Variants in GLIS3 observed in about 807,000 individuals in gnomAD.
GLIS3 encodes the protein zinc finger protein GLIS3.
Under a neutral mutation model 78.6 loss-of-function variants are expected in GLIS3, and 53 were observed. The observed-to-expected ratio is 0.67, with a 90% confidence interval of 0.54 to 0.85. The LOEUF is 0.85. Among genes scored for constraint, GLIS3 ranks in the 40% least tolerant of loss-of-function variants. The probability of loss-of-function intolerance (pLI) is 0.00; values close to 1 mark genes in which losing one functional copy is unlikely to be tolerated. For synonymous variants in GLIS3, 684 were observed against 509.9 expected (o/e 1.34, Z -4.60); for missense variants, 1,703 against 1,231.1 (o/e 1.38, Z -5.74).
chr9:3,908,951 A>C (rs1160617794), intron 6 of GLIS3, among the ~76,000 whole-genome samples: 1 of 152,126 alleles, frequency 6.6e-6, no homozygotes, highest in Non-Finnish European at 1.5e-5. Flanking sequence ...AGCAAGACAC[A>C]CTTCCAAAGA....
Position 3,932,425 on chromosome 9 carries a change from C to G in GLIS3, c.1918G>C (p.Asp640His), listed in dbSNP as rs1313530479. 1.2e-6 allele frequency: 2 copies of G among 1,613,792 alleles called. No individual in the cohort carries two copies. Among genetic ancestry groups the G allele is most frequent in the East Asian group, 2.2e-5 (1 of 44,848 alleles). Residue 640 changes from aspartate to histidine, a missense_variant, in exon 6 of 11, where the codon GAC (aspartate) becomes CAC (histidine). Asp to His is a moderately conservative substitution (Grantham distance 81). Transcript: ENST00000381971. ...ACATGCTTTCTTAGGGAACTTGGGT[C>G]TGTGTAGCGTTTGGTACATCCTGGA... ...QIPGCTKRYT[D>H]PSSLRKHVKA...
At chr9:4,270,425 T>C (rs747345239) in intron 2 of GLIS3, among the ~76,000 whole-genome samples, 1 of 152,210 alleles carries the variant, frequency 6.6e-6, no homozygotes. Flanking sequence ...GTGGGTCCTC[T>C]GCTTCAGGGT....
intron 2 of GLIS3, among the ~76,000 whole-genome samples, chr9:4,275,990 T>C (rs532219827): frequency 6.6e-6 from 1 of 151,866 alleles, no homozygotes; most frequent in South Asian, 2.1e-4. Flanking sequence ...CCTTAGAAAA[T>C]GCTACAGGTT....
chr9:4,151,375 C>G (rs560965109), intron 2 of GLIS3, among the ~76,000 whole-genome samples: 1 of 152,302 alleles, frequency 6.6e-6, no homozygotes, highest in East Asian at 1.9e-4. Context: ...CACAGCTAAA[C>G]CACAGGTTTT....
the GLIS3 span, among the ~76,000 whole-genome samples, chr9:4,449,233 A>T: frequency 6.6e-6 from 1 of 152,184 alleles, no homozygotes; most frequent in Non-Finnish European, 1.5e-5. Flanking sequence ...CAGCAGTCTG[A>T]CATCAACCTG....
chr9:4,097,090 T>G (rs955976869), intron 4 of GLIS3, among the ~76,000 whole-genome samples: 2 of 152,144 alleles, frequency 1.3e-5, no homozygotes, highest in Non-Finnish European at 2.9e-5. Flanking sequence ...CACTCCTTAC[T>G]CCATGGGGAG....
chr9:4,003,607 T>G (rs952027735), intron 4 of GLIS3, among the ~76,000 whole-genome samples: 1 of 152,238 alleles, frequency 6.6e-6, no homozygotes, highest in African/African-American at 2.4e-5. Flanking sequence ...CTCAATGTTT[T>G]GAGTGTCTCT....
chr9:4,437,387 T>G, the GLIS3 span, among the ~76,000 whole-genome samples: 1 of 151,968 alleles, frequency 6.6e-6, no homozygotes, highest in Non-Finnish European at 1.5e-5. Flanking sequence ...TTTTCTAAAT[T>G]TTCTAGGTAT....
chr9:4,456,930 T>C, the GLIS3 span, among the ~76,000 whole-genome samples: 8 of 152,136 alleles, frequency 5.3e-5, no homozygotes, highest in Admixed American at 4.6e-4. Context: ...CCATAACAGA[T>C]TAAATAATTT....
chr9:4,023,674 G>C (rs779827682), intron 4 of GLIS3, among the ~76,000 whole-genome samples: 24 of 152,236 alleles, frequency 1.6e-4, no homozygotes, highest in Non-Finnish European at 3.4e-4. Context: ...TAAGGGGAAA[G>C]AAGGTGTCAA....
At chr9:4,217,187 C>A (rs894936313) in intron 2 of GLIS3, among the ~76,000 whole-genome samples, 1 of 152,138 alleles carries the variant, frequency 6.6e-6, no homozygotes, top group Admixed American at 6.5e-5. Flanking sequence ...GAACCCAAAA[C>A]CCTAGCACCC....
chr9:4,224,367 C>T (rs188444756), intron 2 of GLIS3, among the ~76,000 whole-genome samples: 211 of 152,348 alleles, frequency 1.4e-3, no homozygotes, highest in Non-Finnish European at 2.9e-4. Context: ...GGCCGTCTCA[C>T]TGGTGACAGC....
At chr9:3,832,507 A>G (rs1818107810) in intron 9 of GLIS3, among the ~76,000 whole-genome samples, 1 of 152,046 alleles carries the variant, frequency 6.6e-6, no homozygotes, top group African/African-American at 2.4e-5. Flanking sequence ...CACACAGACT[A>G]ATTTCTTCAT....
At chr9:4,143,658 G>A (rs543053438) in intron 2 of GLIS3, among the ~76,000 whole-genome samples, 3 of 152,292 alleles carry the variant, frequency 2.0e-5, no homozygotes, top group East Asian at 1.9e-4. Context: ...CATTGTGCAT[G>A]AGCAATCTCC....
rs146060139 is a variant in GLIS3 at position 4,181,965 on chromosome 9, C to T, written c.389-56024G>A. ...CCACAGAATTGTGAGAAATAATAAA[C>T]ACGTATTAGCCACTAAGTTTCAGGG... On this transcript the variant is annotated intron_variant, in intron 2 of 10. Coordinates refer to ENST00000381971, the MANE Select transcript of GLIS3 (RefSeq NM_001042413.2). Among the ~76,000 whole-genome samples, 383 of 152,318 alleles carry T rather than the reference C, an allele frequency of 2.5e-3. 2 individuals carry two copies. The highest frequency in any genetic ancestry group is 1.1e-3 in the Non-Finnish European group (77 of 68,032).
At chr9:4,405,036 G>GAC in the GLIS3 span, among the ~76,000 whole-genome samples, 1 of 152,106 alleles carries the variant, frequency 6.6e-6, no homozygotes, top group Non-Finnish European at 1.5e-5. Flanking sequence ...TGAAAAAGGA[G>GAC]ACATTAGAAC....
At chr9:4,304,524 C>CA (rs1413672727), upstream of GLIS3, among the ~76,000 whole-genome samples, 2 of 152,030 alleles carry the variant, frequency 1.3e-5, no homozygotes, top group African/African-American at 4.8e-5. Context: ...TTGCATCATA[C>CA]CCTGAATTCT....
chr9:4,231,449 A>C (rs1228377484), intron 2 of GLIS3, among the ~76,000 whole-genome samples: 1 of 152,190 alleles, frequency 6.6e-6, no homozygotes, highest in Non-Finnish European at 1.5e-5. Context: ...ATTTCTGAAA[A>C]GAATGGAAAA....
Position 3,824,333 on chromosome 9 carries a change from C to G in GLIS3, c.*3939G>C, listed in dbSNP as rs780942381. Reference sequence around the variant, plus strand: ...ACTTGAACATTCCCTCCCGCATCATCTGCCTTTAATTATAATTACCATTCC... The same window carrying G: ...ACTTGAACATTCCCTCCCGCATCATGTGCCTTTAATTATAATTACCATTCC... On this transcript the variant is annotated 3_prime_UTR_variant, in exon 11 of 11. Transcript: ENST00000381971. 6.6e-6 allele frequency: 1 copy of G among 152,612 alleles called. No homozygotes were observed. The highest frequency in any genetic ancestry group is 1.9e-4 in the East Asian group (1 of 5,198). 9.5% of individuals were successfully genotyped at this position (152,612 alleles called of 1,614,324 possible).
Sources: allele counts gnomAD v4.1 joint callset (sites outside exome capture counted in the v4.1 genomes callset), GRCh38; gene constraint gnomAD v4.1.1; transcripts MANE v1.5; gene names NCBI Gene and HGNC (gene_info 2026-07-23, HGNC 2026-07-21).